Variants in PARP9 observed in about 807,000 individuals in gnomAD.
PARP9 encodes poly(ADP-ribose) polymerase family member 9.
PARP9 carries 48 observed loss-of-function variants against 68.8 expected under a neutral mutation model. The observed-to-expected ratio is 0.70, with a 90% CI of 0.55 to 0.89. PARP9 has a LOEUF of 0.89. Ranked by LOEUF, PARP9 falls within the 40% of genes least tolerant of loss-of-function variation. The pLI is 0.00. For synonymous variants in PARP9, 309 were observed against 333.8 expected, an observed-to-expected ratio of 0.93 and a Z score of 0.81; for missense variants, 806 against 969.3, an observed-to-expected ratio of 0.83 and a Z score of 2.24.
chr3:122,550,845 A>G (rs774369019), intron 5 of PARP9, 43 bp from the exon 6 acceptor site: 5 of 1,513,222 alleles, frequency 3.3e-6, no homozygotes, highest in Non-Finnish European at 4.6e-6. Flanking sequence ...TGAGTCAAGA[A>G]CAAGACTCCA....
intron 4 of PARP9, among the ~76,000 whole-genome samples, 195 bp from the exon 5 acceptor site, chr3:122,552,834 T>C (rs1432057406): frequency 2.0e-5 from 3 of 152,202 alleles, no homozygotes; most frequent in Non-Finnish European, 4.4e-5. Context: ...GAAGCTGAAT[T>C]ACATAATTCA....
At chr3:122,547,121 T>C (rs1355891224) in intron 6 of PARP9, among the ~76,000 whole-genome samples, 1 of 143,590 alleles carries the variant, frequency 7.0e-6, no homozygotes, top group South Asian at 2.3e-4. Context: ...TCTTTTTTTT[T>C]TTTTTTGAGA....
chr3:122,545,302 A>G (rs1048151851), intron 7 of PARP9, 130 bp downstream of exon 7: 3 of 885,264 alleles, frequency 3.4e-6, no homozygotes, highest in Non-Finnish European at 3.7e-6. Context: ...GCAGGTATCC[A>G]AGCAGGACCA....
At chr3:122,535,620 A>C (rs2077579696) in intron 10 of PARP9, 1 of 985,554 alleles carries the variant, frequency 1.0e-6, no homozygotes. Flanking sequence ...ATCTGAAAAG[A>C]GACATGGGAG....
At chr3:122,552,082 A>AT (rs76000414) in intron 5 of PARP9, among the ~76,000 whole-genome samples, 10 of 149,124 alleles carry the variant, frequency 6.7e-5, no homozygotes, top group Non-Finnish European at 1.0e-4. Flanking sequence ...CACCTGGCTA[A>AT]TTTTTTTTTT....
intron 8 of PARP9, among the ~76,000 whole-genome samples, chr3:122,539,816 G>C: frequency 6.6e-6 from 1 of 151,840 alleles, no homozygotes; most frequent in East Asian, 1.9e-4. Flanking sequence ...CGCCCACCTC[G>C]GCCTCCCAAA....
At chr3:122,533,072 A>G (rs1228559687) in intron 10 of PARP9, 1 of 152,168 alleles carries the variant, frequency 6.6e-6, no homozygotes, top group Non-Finnish European at 1.5e-5. Flanking sequence ...GTTTTGTGGC[A>G]AGGAGAGGAC....
intron 3 of PARP9, among the ~76,000 whole-genome samples, chr3:122,557,873 T>A (rs899162191): frequency 6.6e-6 from 1 of 152,174 alleles, no homozygotes; most frequent in Non-Finnish European, 1.5e-5. Context: ...CATCAATTGA[T>A]AACAGGTACA....
intron 5 of PARP9, 89 bp downstream of exon 5, chr3:122,552,329 G>T: frequency 2.0e-6 from 2 of 982,738 alleles, no homozygotes; most frequent in Non-Finnish European, 1.5e-6. Context: ...AATATTTCAT[G>T]AATGTAATGA....
At chr3:122,529,931 C>T (rs982200231) in intron 10 of PARP9, among the ~76,000 whole-genome samples, 1 of 151,804 alleles carries the variant, frequency 6.6e-6, no homozygotes, top group East Asian at 1.9e-4. Context: ...TGGTACACAC[C>T]TGTAATCCCA....
chr3:122,548,718 A>G (rs1367385789), intron 6 of PARP9, among the ~76,000 whole-genome samples: 1 of 152,168 alleles, frequency 6.6e-6, no homozygotes, highest in East Asian at 1.9e-4. Flanking sequence ...GACACATAAG[A>G]CAAGCTCCCC....
In PARP9 at chr3:122,540,547, T is replaced by C. The variant is rs1443431061; in HGVS notation, c.1690A>G (p.Asn564Asp). ...ACTTTACAAAGCATATCTTCAATGT[T>C]CATAACCACCTCAATGAGGTCAGCC... is the stretch of plus-strand genomic sequence containing the variant. ...ARADLIEVVM[N>D]IEDMLCKVQE... Residue 564 changes from asparagine to aspartate, a missense_variant, in exon 8 of 11, where the codon AAC (asparagine) becomes GAC (aspartate). This residue lies in a region of PARP9 where 680 missense variants were observed against 858.8 expected (regional missense o/e 0.79). Transcript: ENST00000682323. 1 of 1,614,236 alleles carries C rather than the reference T, an allele frequency of 6.2e-7. No individual in the cohort carries two copies. The highest frequency in any genetic ancestry group is 2.2e-5 in the East Asian group (1 of 44,886).
intron 7 of PARP9, among the ~76,000 whole-genome samples, chr3:122,544,551 A>C (rs2078539100): frequency 6.6e-6 from 1 of 152,126 alleles, no homozygotes; most frequent in Non-Finnish European, 1.5e-5. Context: ...GAATGATGTT[A>C]TATGCCTGTA....
intron 5 of PARP9, among the ~76,000 whole-genome samples, chr3:122,551,368 A>G (rs1484618231): frequency 6.6e-6 from 1 of 152,228 alleles, no homozygotes; most frequent in African/African-American, 2.4e-5. Flanking sequence ...GTTTGGGATT[A>G]GAGAGCTCTC....
intron 10 of PARP9, chr3:122,534,095 G>GTCAAGAAC: frequency 1.0e-6 from 1 of 977,890 alleles, no homozygotes; most frequent in Non-Finnish European, 1.2e-6. Context: ...GGGATAGGGA[G>GTCAAGAAC]AAGGGCAGAG....
At chr3:122,537,689 A>G (rs1160851849) in intron 8 of PARP9, among the ~76,000 whole-genome samples, 1 of 152,234 alleles carries the variant, frequency 6.6e-6, no homozygotes, top group Non-Finnish European at 1.5e-5. Flanking sequence ...TGGAACATGT[A>G]TCACTCATAT....
chr3:122,555,424 A>G lies in PARP9; in HGVS notation c.747T>C (p.Thr249=). ...CTGAAGCAGCTTTAAAGGCAGCAAC[A>G]GTAGGGTCCTCATTGCTCACCAGGT... is the stretch of plus-strand genomic sequence containing the variant. ...EIHLVSNEDP[T]VAAFKAASEF... Residue 249 remains threonine, a synonymous_variant, in exon 4 of 11, where the codon ACT becomes ACC. Coordinates refer to ENST00000682323, the MANE Select transcript of PARP9 (RefSeq NM_001146105.2). The G allele has an allele frequency of 6.2e-7, 1 of 1,614,160 alleles. No homozygotes were observed.
chr3:122,548,699 G>A (rs17267388), intron 6 of PARP9, among the ~76,000 whole-genome samples: 21,716 of 152,070 alleles, frequency 0.14, 1,629 homozygotes, highest in Middle Eastern at 0.3. Flanking sequence ...CTGAGATGAA[G>A]TGCACTCAGA....
intron 5 of PARP9, among the ~76,000 whole-genome samples, chr3:122,551,510 TA>T (rs1477651419): frequency 6.6e-6 from 1 of 152,190 alleles, no homozygotes; most frequent in Non-Finnish European, 1.5e-5. Context: ...TTTTATATTT[TA>T]TTTTTTGAGA....
Sources: gnomAD v4.1 joint callset for allele counts (sites outside exome capture counted in the v4.1 genomes callset) on GRCh38, gnomAD v4.1.1 for gene constraint, gnomAD v4.1.1 regional missense constraint, MANE v1.5 for transcripts, NCBI Gene and HGNC (gene_info 2026-07-23, HGNC 2026-07-21) for gene names.